MYRIP: variants seen among roughly 807,000 people sequenced by gnomAD.
The protein encoded by MYRIP is myosin VIIA and Rab interacting protein.
In MYRIP, 49 loss-of-function variants were observed where a neutral mutation model predicts 98.0. The ratio of observed to expected loss-of-function variants is 0.50; its 90% confidence interval spans 0.40 to 0.63. The LOEUF is 0.63. MYRIP is among the 30% of genes least tolerant of loss of function. The pLI is 0.00. For synonymous variants in MYRIP, 404 were observed against 409.5 expected (o/e 0.99, Z 0.16); for missense variants, 1,004 against 1,058.2 (o/e 0.95, Z 0.71).
chr3:40,086,180 A>G (rs1160695353), intron 3 of MYRIP, among the ~76,000 whole-genome samples: 4 of 152,238 alleles, frequency 2.6e-5, no homozygotes, highest in African/African-American at 9.6e-5. Context: ...TTCAAAATCT[A>G]GGAAAATTCT....
chr3:40,127,934 A>G (rs907104327), intron 3 of MYRIP, among the ~76,000 whole-genome samples: 3 of 152,206 alleles, frequency 2.0e-5, no homozygotes, highest in Admixed American at 2.0e-4. Context: ...AGCCTCTGAG[A>G]TGCCTCACCA....
intron 2 of MYRIP, among the ~76,000 whole-genome samples, chr3:40,011,794 A>G (rs1559560176): frequency 6.6e-6 from 1 of 152,222 alleles, no homozygotes; most frequent in Non-Finnish European, 1.5e-5. Context: ...CAGGCAATAA[A>G]ATAATAAGTA....
chr3:40,186,061 T>C (rs775528518), intron 9 of MYRIP, among the ~76,000 whole-genome samples: 1 of 151,808 alleles, frequency 6.6e-6, no homozygotes, highest in Non-Finnish European at 1.5e-5. Flanking sequence ...AACTATAATA[T>C]AGTTTGAGTG....
At chr3:40,008,227 T>C (rs527976216) in intron 2 of MYRIP, among the ~76,000 whole-genome samples, 1 of 152,196 alleles carries the variant, frequency 6.6e-6, no homozygotes, top group Non-Finnish European at 1.5e-5. Context: ...AGCATTTCCA[T>C]ATATGTTTAT....
At chr3:40,021,995 A>G (rs1368833579) in intron 2 of MYRIP, among the ~76,000 whole-genome samples, 1 of 152,250 alleles carries the variant, frequency 6.6e-6, no homozygotes, top group Non-Finnish European at 1.5e-5. Flanking sequence ...ATCCAAATTT[A>G]TAGATGCAAA....
intron 8 of MYRIP, 51 bp downstream of exon 8, chr3:40,170,144 C>T (rs1174159254): frequency 1.2e-6 from 2 of 1,602,310 alleles, no homozygotes; most frequent in Non-Finnish European, 1.7e-6. Context: ...AGGTCTGGGG[C>T]ACACATTTAA....
Position 40,141,158 on chromosome 3 carries a change from C to T in MYRIP, c.333-9890C>T, listed in dbSNP as rs1358757584. Among the ~76,000 whole-genome samples, 3 of 152,146 alleles carry T rather than the reference C, an allele frequency of 2.0e-5. No homozygotes were observed. The South Asian group carries it at 6.2e-4, about 32-fold the overall frequency. On this transcript the variant is annotated intron_variant, in intron 3 of 16. Coordinates refer to ENST00000302541, the MANE Select transcript of MYRIP (RefSeq NM_015460.4). ...TTTAGGTCCCACAAATAAGTGAGAA[C>T]ATGCAACATTTGTCTTTCTGTGCCT...
intron 3 of MYRIP, among the ~76,000 whole-genome samples, chr3:40,078,183 C>G (rs535496430): frequency 1.3e-5 from 2 of 152,256 alleles, no homozygotes; most frequent in African/African-American, 4.8e-5. Context: ...CTAAGCCCCT[C>G]ATTGCCCAGG....
At chr3:40,178,930 C>T (rs1240859666) in intron 8 of MYRIP, among the ~76,000 whole-genome samples, 1 of 152,172 alleles carries the variant, frequency 6.6e-6, no homozygotes, top group Non-Finnish European at 1.5e-5. Context: ...AGCCCCCTTG[C>T]ATAGATGTTC....
intron 2 of MYRIP, among the ~76,000 whole-genome samples, chr3:40,043,528 C>G (rs1458243031): frequency 1.3e-5 from 2 of 152,030 alleles, no homozygotes; most frequent in Non-Finnish European, 2.9e-5. Flanking sequence ...ACCAGTGCCT[C>G]GATCTGCCCA....
chr3:40,011,390 A>G (rs1053739648), intron 2 of MYRIP, among the ~76,000 whole-genome samples: 8 of 152,194 alleles, frequency 5.3e-5, no homozygotes, highest in Admixed American at 5.2e-4. Context: ...TCTTTCCTTC[A>G]GTGACCTAGG....
At chr3:40,160,511 G>T (rs947045350) in intron 4 of MYRIP, among the ~76,000 whole-genome samples, 1 of 152,228 alleles carries the variant, frequency 6.6e-6, no homozygotes, top group Non-Finnish European at 1.5e-5. Flanking sequence ...TTGAGCTGTG[G>T]TGGGCTCCAC....
At chr3:39,878,560 GTATATA>G (rs149655156) in intron 1 of MYRIP, among the ~76,000 whole-genome samples, 1 of 151,708 alleles carries the variant, frequency 6.6e-6, no homozygotes, top group Non-Finnish European at 1.5e-5. Context: ...AAATACAAAT[GTATATA>G]TATACACAGA....
intron 3 of MYRIP, among the ~76,000 whole-genome samples, chr3:40,088,304 T>C (rs1452754631): frequency 2.0e-5 from 3 of 152,162 alleles, no homozygotes; most frequent in Non-Finnish European, 4.4e-5. Flanking sequence ...CTCCTTATTT[T>C]AGTCAGAACT....
intron 14 of MYRIP, 47 bp downstream of exon 14, chr3:40,250,373 A>G: frequency 6.2e-7 from 1 of 1,613,402 alleles, no homozygotes; most frequent in Non-Finnish European, 8.5e-7. Context: ...CATGGCTTGG[A>G]AAATTTAGAA....
At chr3:40,119,346 TAAG>T (rs1559408279) in intron 3 of MYRIP, among the ~76,000 whole-genome samples, 1 of 152,242 alleles carries the variant, frequency 6.6e-6, no homozygotes. Flanking sequence ...TATTTACTGA[TAAG>T]AAATATCTCC....
chr3:39,955,866 G>T (rs1339215750), intron 2 of MYRIP, among the ~76,000 whole-genome samples: 2 of 152,086 alleles, frequency 1.3e-5, no homozygotes, highest in African/African-American at 4.8e-5. Flanking sequence ...AAAAAAAGCA[G>T]GGGTTGCAAT....
At chr3:39,974,734 G>T (rs531539909) in intron 2 of MYRIP, among the ~76,000 whole-genome samples, 2 of 152,148 alleles carry the variant, frequency 1.3e-5, no homozygotes, top group South Asian at 2.1e-4. Flanking sequence ...GGGATGCAAG[G>T]CTGGTTCAAC....
chr3:40,250,590 T>C (rs1953343787), intron 15 of MYRIP, 91 bp downstream of exon 15: 3 of 1,404,428 alleles, frequency 2.1e-6, no homozygotes, highest in East Asian at 4.6e-5. Flanking sequence ...GAGAATTAGA[T>C]CTAATGGAGT....
Sources: allele counts gnomAD v4.1 joint callset (sites outside exome capture counted in the v4.1 genomes callset), GRCh38; gene constraint gnomAD v4.1.1; transcripts MANE v1.5; gene names NCBI Gene and HGNC (gene_info 2026-07-23, HGNC 2026-07-21).